Variants in KBTBD12 observed in about 807,000 individuals in gnomAD.
KBTBD12 encodes the protein kelch repeat and BTB domain-containing protein 12.
Under a neutral mutation model 58.7 loss-of-function variants are expected in KBTBD12, and 53 were observed. That is an observed-to-expected ratio of 0.90 (90% CI 0.72 to 1.14). KBTBD12 has a LOEUF of 1.14. Ranked by LOEUF, KBTBD12 falls within the 50% of genes most tolerant of loss-of-function variation. KBTBD12 has a pLI of 0.00. For missense variants in KBTBD12, 704 were observed against 751.3 expected (o/e 0.94, Z 0.74); for synonymous variants, 236 against 259.8 (o/e 0.91, Z 0.88).
At chr3:127,964,640 C>CA (rs34230294) in intron 5 of KBTBD12, among the ~76,000 whole-genome samples, 7,548 of 110,718 alleles carry the variant, frequency 0.068, 288 homozygotes, top group East Asian at 0.12. Context: ...GACTCCATCT[C>CA]AAAAAAAAAA....
intron 5 of KBTBD12, among the ~76,000 whole-genome samples, chr3:127,973,921 TC>T (rs886092866): frequency 2.0e-4 from 31 of 152,276 alleles, no homozygotes; most frequent in Admixed American, 1.8e-3. Flanking sequence ...ACCTTTGGCA[TC>T]CCCGTGCCCC....
chr3:127,931,653 A>G (rs894434754), intron 4 of KBTBD12, among the ~76,000 whole-genome samples: 6 of 152,208 alleles, frequency 3.9e-5, no homozygotes, highest in Non-Finnish European at 1.5e-5. Flanking sequence ...TTGATAAACT[A>G]CATGGGAAAG....
intron 4 of KBTBD12, among the ~76,000 whole-genome samples, chr3:127,957,253 A>T (rs1463694687): frequency 6.6e-6 from 1 of 152,226 alleles, no homozygotes; most frequent in Non-Finnish European, 1.5e-5. Flanking sequence ...GACTTATTAT[A>T]ATATTTTTTC....
In KBTBD12 at chr3:127,987,458, T is replaced by C. The variant is rs1009144997; in HGVS notation, c.*3180T>C. 1.3e-5 allele frequency: 2 copies of C among 152,248 alleles called. No individual in the cohort carries two copies. Among genetic ancestry groups the C allele is most frequent in the African/African-American group, 4.8e-5 (2 of 41,460 alleles). The allele number at this position is 152,248 out of a possible 1,614,324, so 9.4% of individuals were successfully genotyped here. On this transcript the variant is annotated 3_prime_UTR_variant, in exon 6 of 6. Coordinates refer to ENST00000405109, the MANE Select transcript of KBTBD12 (RefSeq NM_207335.4). ...GGGCTCTTATAAAACTTCTACTATC[T>C]GCTAATTCTTATCTTTGTGACAGGA... is the stretch of plus-strand genomic sequence containing the variant.
chr3:127,976,143 T>A (rs953550559), intron 5 of KBTBD12, among the ~76,000 whole-genome samples: 15 of 152,234 alleles, frequency 9.9e-5, no homozygotes, highest in Non-Finnish European at 2.1e-4. Context: ...AAATACCCAG[T>A]GTGTAGAATC....
Position 127,916,072 on chromosome 3 carries a change from A to T in KBTBD12, c.-113+486A>T, listed in dbSNP as rs149794820. On this transcript the variant is annotated intron_variant, in intron 1 of 5. Transcript: ENST00000405109. ...ATTGCCCTACATTTTCCCCCAAATG[A>T]TTCTTAAGAGGAACTAATGAGCTAT... 3.2e-4 allele frequency among the ~76,000 whole-genome samples: 48 copies of T among 152,344 alleles called. No homozygotes were observed. In the East Asian group the frequency reaches 7.9e-3, roughly 25 times the overall value.
In KBTBD12 at chr3:127,963,360, A is replaced by G. The variant is rs753520274; in HGVS notation, c.1664A>G (p.Tyr555Cys). Reference sequence around the variant, plus strand: ...GCAGGGGCAGTGGATGGGAAACTCTATGTCTGCGGGGGATTCCATGGAGCA... The same window carrying G: ...GCAGGGGCAGTGGATGGGAAACTCTGTGTCTGCGGGGGATTCCATGGAGCA... The part of the protein sequence containing the change: ...TNAGAVDGKL[Y>C]VCGGFHGADR... The change falls in exon 5 of 6, where the codon TAT (tyrosine) becomes TGT (cysteine). Residue 555 changes from tyrosine to cysteine, a missense_variant. Transcript: ENST00000405109. 2.5e-6 allele frequency: 4 copies of G among 1,611,486 alleles called. No homozygotes were observed. The highest frequency in any genetic ancestry group is 2.2e-5 in the East Asian group (1 of 44,798).
At chr3:127,968,220 A>G (rs1257761645) in intron 5 of KBTBD12, among the ~76,000 whole-genome samples, 1 of 152,224 alleles carries the variant, frequency 6.6e-6, no homozygotes, top group Non-Finnish European at 1.5e-5. Context: ...AACTGCAGCA[A>G]GCTTACTTAT....
chr3:127,969,415 T>A (rs1307685607), intron 5 of KBTBD12, among the ~76,000 whole-genome samples: 1 of 152,120 alleles, frequency 6.6e-6, no homozygotes, highest in Non-Finnish European at 1.5e-5. Context: ...TTAAAAGGAA[T>A]TAAAATTCTA....
intron 5 of KBTBD12, among the ~76,000 whole-genome samples, chr3:127,969,878 G>C (rs183318873): frequency 6.6e-6 from 1 of 152,198 alleles, no homozygotes; most frequent in East Asian, 1.9e-4. Context: ...AGAAGAAAAT[G>C]TAGGCATAAA....
At chr3:127,932,545 T>C (rs1939728964) in intron 4 of KBTBD12, among the ~76,000 whole-genome samples, 1 of 152,136 alleles carries the variant, frequency 6.6e-6, no homozygotes, top group African/African-American at 2.4e-5. Flanking sequence ...TTTCTTACTA[T>C]GTCCTAGATA....
Position 127,923,513 on chromosome 3 carries a change from G to C in KBTBD12, c.452G>C (p.Arg151Pro). 1 of 1,611,032 alleles carries C rather than the reference G, an allele frequency of 6.2e-7. No individual in the cohort carries two copies. The highest frequency in any genetic ancestry group is 8.5e-7 in the Non-Finnish European group (1 of 1,178,850). The change falls in exon 2 of 6, where the codon CGA (arginine) becomes CCA (proline). Residue 151 changes from arginine (R) to proline (P), a missense_variant. Transcript: ENST00000405109. ...ATTGGAGCTGAAGATTTATCTGATC[G>C]ATCAAAGAAATATTTATATCAGCAC... Reference protein sequence around the residue: ...KQIGAEDLSDRSKKYLYQHFA... With the variant: ...KQIGAEDLSDPSKKYLYQHFA...
At chr3:127,928,448 G>A (rs988893749) in intron 3 of KBTBD12, among the ~76,000 whole-genome samples, 2 of 152,222 alleles carry the variant, frequency 1.3e-5, no homozygotes, top group African/African-American at 4.8e-5. Flanking sequence ...CTTACTCTAA[G>A]TGAGACACCA....
At chr3:127,951,222 A>G (rs995811374) in intron 4 of KBTBD12, among the ~76,000 whole-genome samples, 8 of 152,224 alleles carry the variant, frequency 5.3e-5, no homozygotes, top group Non-Finnish European at 2.9e-5. Flanking sequence ...CACTCAGTAT[A>G]TGAAACCACG....
At chr3:127,974,261 G>A (rs1438740822) in intron 5 of KBTBD12, among the ~76,000 whole-genome samples, 1 of 152,194 alleles carries the variant, frequency 6.6e-6, no homozygotes, top group Non-Finnish European at 1.5e-5. Context: ...GATGGATTTT[G>A]AATCCCTTGC....
chr3:127,948,935 C>G lies in KBTBD12; in HGVS notation c.1493-14254C>G, dbSNP rs78126662. 6.8e-3 allele frequency among the ~76,000 whole-genome samples: 1,033 copies of G among 152,344 alleles called. 5 individuals are homozygous for G. The highest frequency in any genetic ancestry group is 0.016 in the South Asian group (79 of 4,830). ...AGAAATTTTCCTGCATTCAACCACT[C>G]TAGCTTAATACCTGTCTGGCATATA... On this transcript the variant is annotated intron_variant, in intron 4 of 5. Transcript: ENST00000405109.
At chr3:127,966,359 C>T (rs13066860) in intron 5 of KBTBD12, among the ~76,000 whole-genome samples, 50,704 of 152,020 alleles carry the variant, frequency 0.33, 8,565 homozygotes, top group Non-Finnish European at 0.35. Context: ...TAAGGATCAC[C>T]GAACATCTGA....
At chr3:127,935,326 G>A (rs1030309746) in intron 4 of KBTBD12, among the ~76,000 whole-genome samples, 5 of 152,100 alleles carry the variant, frequency 3.3e-5, no homozygotes, top group African/African-American at 1.2e-4. Context: ...GAGTAGAGGA[G>A]GAGAAAATGG....
intron 1 of KBTBD12, among the ~76,000 whole-genome samples, chr3:127,921,009 TAGG>T (rs1207978621): frequency 6.6e-6 from 1 of 152,028 alleles, no homozygotes; most frequent in African/African-American, 2.4e-5. Context: ...TCTCTTCACT[TAGG>T]AGCTGTGTCT....
Sources: allele counts gnomAD v4.1 joint callset (sites outside exome capture counted in the v4.1 genomes callset), GRCh38; gene constraint gnomAD v4.1.1; transcripts MANE v1.5; gene names NCBI Gene and HGNC (gene_info 2026-07-23, HGNC 2026-07-21).